LRRC1: variants seen among roughly 807,000 people sequenced by gnomAD.
LRRC1 encodes the protein leucine rich repeat containing 1.
In LRRC1, 28 loss-of-function variants were observed where a neutral mutation model predicts 69.9. The ratio of observed to expected loss-of-function variants is 0.40; its 90% CI spans 0.30 to 0.55. The LOEUF is 0.55. Among genes scored for constraint, LRRC1 ranks in the 20% least tolerant of loss-of-function variants. LRRC1 has a pLI of 0.47. For missense variants in LRRC1, 498 were observed against 609.0 expected (o/e 0.82, Z 1.92); for synonymous variants, 236 against 240.2 (o/e 0.98, Z 0.16).
At chr6:53,860,248 A>G (rs1766451234) in intron 2 of LRRC1, among the ~76,000 whole-genome samples, 1 of 152,230 alleles carries the variant, frequency 6.6e-6, no homozygotes, top group South Asian at 2.1e-4. Flanking sequence ...TTATAATTCT[A>G]AAAAAGGACT....
chr6:53,892,226 C>CCAA (rs531073334), intron 4 of LRRC1, among the ~76,000 whole-genome samples: 414 of 152,048 alleles, frequency 2.7e-3, no homozygotes, highest in Admixed American at 0.012. Context: ...CCTCTCTGTG[C>CCAA]CTTAGTTTTC....
At chr6:53,853,449 T>C (rs1421625466) in intron 2 of LRRC1, among the ~76,000 whole-genome samples, 1 of 152,068 alleles carries the variant, frequency 6.6e-6, no homozygotes, top group Non-Finnish European at 1.5e-5. Context: ...CACGCCCAGC[T>C]AATTTTTGTA....
At chr6:53,894,090 TGA>T (rs1767791252) in intron 4 of LRRC1, among the ~76,000 whole-genome samples, 1 of 152,230 alleles carries the variant, frequency 6.6e-6, no homozygotes. Context: ...AAAATTTAAA[TGA>T]GAGAGTTTTG....
At chr6:53,799,465 C>T (rs1487570161) in intron 1 of LRRC1, among the ~76,000 whole-genome samples, 1 of 152,230 alleles carries the variant, frequency 6.6e-6, no homozygotes, top group Non-Finnish European at 1.5e-5. Context: ...CATAATTCCC[C>T]TTCCTATGGT....
intron 2 of LRRC1, among the ~76,000 whole-genome samples, chr6:53,862,327 ATGTT>A (rs1766556778): frequency 9.0e-6 from 1 of 110,974 alleles, no homozygotes; most frequent in Non-Finnish European, 2.0e-5. Flanking sequence ...GTGTGTGTGT[ATGTT>A]TATGTATATA....
At chr6:53,885,012 G>T (rs1767427681) in intron 4 of LRRC1, among the ~76,000 whole-genome samples, 1 of 152,052 alleles carries the variant, frequency 6.6e-6, no homozygotes, top group African/African-American at 2.4e-5. Context: ...TTCTTATTAG[G>T]TCACTTTGTG....
intron 1 of LRRC1, among the ~76,000 whole-genome samples, chr6:53,824,220 T>C (rs1201731080): frequency 2.6e-5 from 4 of 152,204 alleles, no homozygotes. Flanking sequence ...ATTATTGTTT[T>C]AATTTGCATT....
chr6:53,872,752 CT>C (rs537186693), intron 2 of LRRC1, among the ~76,000 whole-genome samples: 252 of 106,370 alleles, frequency 2.4e-3, no homozygotes, highest in Non-Finnish European at 3.7e-3. Context: ...TTTCTTTTCT[CT>C]TTTTTTTTTT....
At chr6:53,840,742 A>T (rs771496573) in intron 1 of LRRC1, among the ~76,000 whole-genome samples, 1 of 151,926 alleles carries the variant, frequency 6.6e-6, no homozygotes, top group African/African-American at 2.4e-5. Flanking sequence ...GCTTATTTCT[A>T]ATTCTTCTAA....
At chr6:53,865,729 CT>C (rs34777776) in intron 2 of LRRC1, among the ~76,000 whole-genome samples, 9 of 147,688 alleles carry the variant, frequency 6.1e-5, no homozygotes, top group South Asian at 2.1e-4. Context: ...CTCAGTCTTT[CT>C]TTTTTTTTTT....
At chr6:53,849,078 T>TG (rs563883875) in intron 2 of LRRC1, among the ~76,000 whole-genome samples, 3,034 of 150,978 alleles carry the variant, frequency 0.02, 114 homozygotes, top group African/African-American at 0.07. Flanking sequence ...TTTTTTTTTT[T>TG]TTAGTTAGCA....
chr6:53,806,777 C>G (rs1764644931), intron 1 of LRRC1, among the ~76,000 whole-genome samples: 1 of 152,172 alleles, frequency 6.6e-6, no homozygotes, highest in African/African-American at 2.4e-5. Context: ...AACACTTACC[C>G]TCCTGTGGTC....
chr6:53,840,931 T>TGTGTGTGC (rs1191801220), intron 1 of LRRC1, among the ~76,000 whole-genome samples: 1 of 123,942 alleles, frequency 8.1e-6, no homozygotes, highest in African/African-American at 2.9e-5. Flanking sequence ...TGTGTGTGCG[T>TGTGTGTGC]GCGCGCACAT....
At chr6:53,841,078 C>T (rs1416829879) in intron 1 of LRRC1, among the ~76,000 whole-genome samples, 3 of 152,036 alleles carry the variant, frequency 2.0e-5, no homozygotes, top group African/African-American at 4.8e-5. Context: ...GCCCAGGAGC[C>T]GGGATGCAGG....
chr6:53,888,501 A>G (rs1042881454), intron 4 of LRRC1, among the ~76,000 whole-genome samples: 1 of 152,204 alleles, frequency 6.6e-6, no homozygotes, highest in African/African-American at 2.4e-5. Flanking sequence ...GATACTTAAT[A>G]TTGTTAAGAT....
chr6:53,859,650 A>AT (rs1184952385), intron 2 of LRRC1, among the ~76,000 whole-genome samples: 1 of 152,192 alleles, frequency 6.6e-6, no homozygotes, highest in Non-Finnish European at 1.5e-5. Context: ...AATGACCTGG[A>AT]TTACCAGGCC....
In LRRC1 at chr6:53,922,901, C is replaced by G. The variant is rs753669627; in HGVS notation, c.*108C>G. ...CCTTGTCCTAACCAGCCCCCGCGCG[C>G]CATCTTCCCGTGGAGTGTGGGGAAG... On this transcript the variant is annotated 3_prime_UTR_variant, in exon 14 of 14. Transcript: ENST00000370888. 81 of 1,092,224 alleles carry G rather than the reference C, an allele frequency of 7.4e-5. No individual in the cohort carries two copies. Among genetic ancestry groups the G allele is most frequent in the Admixed American group, 1.2e-4 (6 of 48,418 alleles). The allele number at this position is 1,092,224 out of a possible 1,614,324, so 67.7% of individuals were successfully genotyped here.
rs538737288 is a variant in LRRC1, at chr6:53,919,485, A to T, written c.1107-13A>T. 4 of 1,494,812 alleles carry T rather than the reference A, an allele frequency of 2.7e-6. No individual in the cohort carries two copies. Among genetic ancestry groups the T allele is most frequent in the Non-Finnish European group, 3.5e-6 (4 of 1,128,270 alleles). The allele number at this position is 1,494,812 out of a possible 1,614,324, so 92.6% of individuals were successfully genotyped here. A position where few individuals can be genotyped will look rare whatever the true frequency, so the allele number is the denominator to read the frequency against. Reference sequence around the variant, plus strand: ...TGTGATGTCTCTTTTTTTAAAAAAAAAAAAAAAAACAGGTTGCTGCATCTA... The same window carrying T: ...TGTGATGTCTCTTTTTTTAAAAAAATAAAAAAAAACAGGTTGCTGCATCTA... On this transcript the variant is annotated splice_polypyrimidine_tract_variant and intron_variant, in intron 11 of 13. Coordinates refer to ENST00000370888, the MANE Select transcript of LRRC1 (RefSeq NM_018214.5).
intron 2 of LRRC1, among the ~76,000 whole-genome samples, chr6:53,872,254 G>T (rs1165881157): frequency 1.3e-5 from 2 of 152,062 alleles, no homozygotes; most frequent in African/African-American, 4.8e-5. Flanking sequence ...ATTTATTTCT[G>T]TTTTTTAAAA....
Sources: allele counts gnomAD v4.1 joint callset (sites outside exome capture counted in the v4.1 genomes callset), GRCh38; gene constraint gnomAD v4.1.1; transcripts MANE v1.5; gene names NCBI Gene and HGNC (gene_info 2026-07-23, HGNC 2026-07-21).